The following RREB1 variants were observed in gnomAD, a reference collection of about 807,000 sequenced individuals.
RREB1 encodes the protein ras-responsive element-binding protein 1.
In RREB1, 27 loss-of-function variants were observed where a neutral mutation model predicts 117.8. That is an observed-to-expected ratio of 0.23 (90% CI 0.17 to 0.32). The LOEUF is 0.32. Ranked by LOEUF, RREB1 falls within the 10% of genes least tolerant of loss-of-function variation. The probability of loss-of-function intolerance (pLI) is 1.00; values close to 1 mark genes in which losing one functional copy is unlikely to be tolerated. For synonymous variants in RREB1, 1,298 were observed against 1,026.7 expected (o/e 1.26, Z -5.05); for missense variants, 2,577 against 2,378.2 (o/e 1.08, Z -1.74).
At chr6:7,187,736 T>TG (rs1765162207) in intron 5 of RREB1, 1 of 269,590 alleles carries the variant, frequency 3.7e-6, no homozygotes, top group Admixed American at 5.1e-5. Flanking sequence ...GCAGGGTAAT[T>TG]GGATTTTAAT....
At chr6:7,147,180 C>G (rs1762907054) in intron 1 of RREB1, among the ~76,000 whole-genome samples, 1 of 152,214 alleles carries the variant, frequency 6.6e-6, no homozygotes, top group African/African-American at 2.4e-5. Flanking sequence ...ACTGCCAGGG[C>G]AAGACATGCA....
intron 6 of RREB1, among the ~76,000 whole-genome samples, chr6:7,205,555 A>C (rs1766223270): frequency 6.6e-6 from 1 of 152,218 alleles, no homozygotes; most frequent in Non-Finnish European, 1.5e-5. Flanking sequence ...AGAGCAAGCC[A>C]GTGCTTGGAT....
intron 1 of RREB1, among the ~76,000 whole-genome samples, chr6:7,147,921 A>T (rs1762946782): frequency 6.6e-6 from 1 of 152,150 alleles, no homozygotes; most frequent in Non-Finnish European, 1.5e-5. Flanking sequence ...GGCTTGGTAG[A>T]CAGTATTCAC....
chr6:7,146,347 G>A (rs900309531), intron 1 of RREB1, among the ~76,000 whole-genome samples: 1 of 152,124 alleles, frequency 6.6e-6, no homozygotes, highest in Non-Finnish European at 1.5e-5. Context: ...GGGACCGGGG[G>A]TAGATGGCCT....
rs1769417212 is a variant in RREB1, at chr6:7,251,656, A to G, written c.*2688A>G. ...GGATGCCAGTTTTGGAAGATTCACC[A>G]TGCGTTCTGACCCTCTGTTCGTCTC... On this transcript the variant is annotated 3_prime_UTR_variant, in exon 13 of 13. Coordinates refer to ENST00000379938, the MANE Select transcript of RREB1 (RefSeq NM_001003699.4). 1 of 152,170 alleles carries G rather than the reference A, an allele frequency of 6.6e-6. No homozygotes were observed. The highest frequency in any genetic ancestry group is 6.5e-5 in the Admixed American group (1 of 15,274). The allele number at this position is 152,170 out of a possible 1,614,324, so 9.4% of individuals were successfully genotyped here. A position where few individuals can be genotyped will look rare whatever the true frequency, so the allele number is the denominator to read the frequency against.
intron 1 of RREB1, among the ~76,000 whole-genome samples, chr6:7,141,262 C>G (rs1004686854): frequency 6.6e-6 from 1 of 152,112 alleles, no homozygotes; most frequent in Admixed American, 6.5e-5. Context: ...GGTGTTCGTT[C>G]GCGCTGGCGT....
intron 1 of RREB1, among the ~76,000 whole-genome samples, chr6:7,146,035 C>G (rs550108670): frequency 6.6e-6 from 1 of 152,126 alleles, no homozygotes; most frequent in East Asian, 1.9e-4. Flanking sequence ...CCTTCCTGCT[C>G]TGCGCACCGT....
chr6:7,169,492 T>A (rs1021135405), intron 1 of RREB1, among the ~76,000 whole-genome samples: 1 of 152,196 alleles, frequency 6.6e-6, no homozygotes, highest in Non-Finnish European at 1.5e-5. Flanking sequence ...AAAGTCTGGC[T>A]TTTTTGGGGA....
At chr6:7,165,876 T>A (rs1763904524) in intron 1 of RREB1, among the ~76,000 whole-genome samples, 1 of 151,684 alleles carries the variant, frequency 6.6e-6, no homozygotes, top group Admixed American at 6.6e-5. Flanking sequence ...TGGGGGGAGT[T>A]TGGGGGCTTG....
intron 1 of RREB1, among the ~76,000 whole-genome samples, chr6:7,121,115 C>T (rs147588053): frequency 1.4e-3 from 211 of 152,220 alleles, no homozygotes; most frequent in East Asian, 7.5e-3. Flanking sequence ...TGAGCCACTG[C>T]GCCTGGCCAG....
intron 1 of RREB1, among the ~76,000 whole-genome samples, chr6:7,109,117 C>T (rs1761003099): frequency 6.6e-6 from 1 of 151,738 alleles, no homozygotes; most frequent in South Asian, 2.1e-4. Flanking sequence ...GCTCCGCCGC[C>T]CAGCTGTGGA....
In RREB1 at chr6:7,115,460, G is replaced by A. The variant is rs144051327; in HGVS notation, c.-285+7400G>A. 1.0e-3 allele frequency among the ~76,000 whole-genome samples: 159 copies of A among 151,726 alleles called. 1 individual carries two copies. The highest frequency in any genetic ancestry group is 3.7e-3 in the African/African-American group (152 of 41,362). ...TTCCAGAAAAGGAAGGGCTGCCAGT[G>A]GTAGGCAGAGTCACCCCTAGAGTGG... On this transcript the variant is annotated intron_variant, in intron 1 of 12. Transcript: ENST00000379938.
intron 1 of RREB1, among the ~76,000 whole-genome samples, chr6:7,149,813 T>A (rs1763031680): frequency 6.6e-6 from 1 of 152,018 alleles, no homozygotes; most frequent in Non-Finnish European, 1.5e-5. Context: ...CTCAGCCTCC[T>A]GAGTAGCTGG....
intron 1 of RREB1, among the ~76,000 whole-genome samples, chr6:7,132,446 G>A (rs929457076): frequency 6.6e-6 from 1 of 152,158 alleles, no homozygotes; most frequent in African/African-American, 2.4e-5. Flanking sequence ...GATTAGAGAC[G>A]TGAGCCACCA....
intron 1 of RREB1, among the ~76,000 whole-genome samples, chr6:7,116,258 C>T (rs1223369262): frequency 6.6e-6 from 1 of 152,194 alleles, no homozygotes; most frequent in African/African-American, 2.4e-5. Flanking sequence ...ACCCCACTGC[C>T]ACACTGAATT....
intron 6 of RREB1, among the ~76,000 whole-genome samples, chr6:7,205,563 G>C (rs4960295): frequency 6.6e-6 from 1 of 151,968 alleles, no homozygotes; most frequent in Non-Finnish European, 1.5e-5. Context: ...CCAGTGCTTG[G>C]ATAGCTAAGA....
rs772399049 is a variant in RREB1 at position 7,231,003 on chromosome 6, G to T, written c.2904G>T (p.Gln968His). The T allele has an allele frequency of 4.3e-6, 7 of 1,614,160 alleles. No homozygotes were observed. The highest frequency in any genetic ancestry group is 5.9e-6 in the Non-Finnish European group (7 of 1,180,024). ...KPEEEAGSSE[Q>H]PSPCPAPGPS... is the part of the protein sequence containing the mutation. ...AGGAGGAGGCGGGGAGCAGCGAGCA[G>T]CCCTCTCCCTGCCCAGCACCCGGCC... Residue 968 changes from glutamine to histidine, a missense_variant, in exon 10 of 13, where the codon CAG becomes CAT. Transcript: ENST00000379938.
Position 7,231,489 on chromosome 6 carries a change from C to A in RREB1, c.3390C>A (p.Pro1130=). 1.2e-6 allele frequency: 2 copies of A among 1,611,326 alleles called. No homozygotes were observed. Among genetic ancestry groups the A allele is most frequent in the East Asian group, 2.2e-5 (1 of 44,718 alleles). The change falls in exon 10 of 13, where the codon CCC becomes CCA. Residue 1130 remains proline (P), a synonymous_variant. Coordinates refer to ENST00000379938, the MANE Select transcript of RREB1 (RefSeq NM_001003699.4). The stretch of plus-strand genomic sequence containing the variant: ...GCCCAAAAGAGTCTAGTGAGCCTCC[C>A]GCTCCAGCCAGCAGCCCAGAGGCTG... ...TTSPKESSEP[P]APASSPEAAS...
intron 1 of RREB1, among the ~76,000 whole-genome samples, chr6:7,148,027 A>C (rs1561744838): frequency 6.6e-6 from 1 of 152,172 alleles, no homozygotes; most frequent in Non-Finnish European, 1.5e-5. Flanking sequence ...GCTTATGTAG[A>C]GGTCGCTTAT....
Sources: gnomAD v4.1 joint callset for allele counts (sites outside exome capture counted in the v4.1 genomes callset) on GRCh38, gnomAD v4.1.1 for gene constraint, MANE v1.5 for transcripts, NCBI Gene and HGNC (gene_info 2026-07-23, HGNC 2026-07-21) for gene names.